The following BACE1 variants were observed in gnomAD, a reference collection of about 807,000 sequenced individuals.
The protein encoded by BACE1 is APP beta-secretase.
A neutral mutation model predicts 54.0 loss-of-function variants in BACE1; 21 were observed. The ratio of observed to expected loss-of-function variants is 0.39; its 90% CI spans 0.28 to 0.56. BACE1 has a LOEUF of 0.56. Ranked by LOEUF, BACE1 falls within the 20% of genes least tolerant of loss-of-function variation. The pLI is 0.63. For missense variants in BACE1, 511 were observed against 661.2 expected (o/e 0.77, Z 2.49); for synonymous variants, 232 against 260.9 (o/e 0.89, Z 1.07).
At position 117,315,690 on chromosome 11, in the gene BACE1, C is replaced by A. The variant is rs761167472; in HGVS notation, c.106G>T (p.Gly36Cys). The change falls in exon 1 of 9, where the codon GGC (glycine) becomes TGC (cysteine). Residue 36 changes from glycine to cysteine, a missense_variant. Coordinates refer to ENST00000313005, the MANE Select transcript of BACE1 (RefSeq NM_012104.6). This position sits in a 1 kb window ranked among gnomAD's most constrained non-coding sequence, Gnocchi z 5.5. ...IRLPLRSGLG[G>C]APLGLRLPRE... ...GGCAGCCGCAGCCCCAGGGGGGCGCCCCCCAGGCCGCTGCGCAGGGGCAGC... is the reference window on the plus strand; with the variant it reads ...GGCAGCCGCAGCCCCAGGGGGGCGCACCCCAGGCCGCTGCGCAGGGGCAGC... 6.6e-7 allele frequency: 1 copy of A among 1,513,986 alleles called. No individual in the cohort carries two copies. The highest frequency in any genetic ancestry group is 8.8e-7 in the Non-Finnish European group (1 of 1,133,624). 93.8% of individuals were successfully genotyped at this position (1,513,986 alleles called of 1,614,324 possible).
intron 1 of BACE1, among the ~76,000 whole-genome samples, chr11:117,309,466 G>A (rs1036473078): frequency 9.2e-5 from 14 of 152,110 alleles, no homozygotes; most frequent in Admixed American, 3.3e-4. Flanking sequence ...AAATACCTCC[G>A]TTTTGGCTGG....
intron 1 of BACE1, among the ~76,000 whole-genome samples, chr11:117,304,755 G>A (rs987945060): frequency 2.6e-5 from 4 of 152,154 alleles, no homozygotes; most frequent in African/African-American, 9.7e-5. Flanking sequence ...GTGCTTCTTT[G>A]TCTACCACTC....
chr11:117,306,688 G>A (rs991886011), intron 1 of BACE1, among the ~76,000 whole-genome samples: 4 of 152,096 alleles, frequency 2.6e-5, no homozygotes, highest in African/African-American at 4.8e-5. Flanking sequence ...GTGCGTGCCC[G>A]TAGTCCTAGC....
intron 2 of BACE1, 95 bp downstream of exon 2, chr11:117,296,778 A>G: frequency 1.0e-6 from 1 of 970,964 alleles, no homozygotes; most frequent in Non-Finnish European, 1.5e-6. Context: ...AGAAAATCTG[A>G]GGATCAACTC....
At chr11:117,302,034 T>C (rs2034736422) in intron 1 of BACE1, among the ~76,000 whole-genome samples, 1 of 152,180 alleles carries the variant, frequency 6.6e-6, no homozygotes, top group African/African-American at 2.4e-5. Context: ...TTTCCTTTGC[T>C]ATTAAAAACG....
At position 117,289,703 on chromosome 11, in the gene BACE1, T is replaced by G. The variant is rs1591851153; in HGVS notation, c.1369A>C (p.Thr457Pro). 4.3e-6 allele frequency: 7 copies of G among 1,614,182 alleles called. No individual in the cohort carries two copies. The highest frequency in any genetic ancestry group is 5.9e-6 in the Non-Finnish European group (7 of 1,180,030). Residue 457 changes from threonine (T) to proline (P), a missense_variant, in exon 9 of 9, where the codon ACC becomes CCC. This residue lies in a region of BACE1 where 407 missense variants were observed against 565.7 expected (regional missense o/e 0.72). Coordinates refer to ENST00000313005, the MANE Select transcript of BACE1 (RefSeq NM_012104.6). ...IPQTDESTLM[T>P]IAYVMAAICA... ...ATGGCAGCCATGACATAGGCTATGG[T>G]CATGAGGGTTGACTCATCTGTCTGT...
At chr11:117,312,867 C>A (rs932912376) in intron 1 of BACE1, among the ~76,000 whole-genome samples, 22 of 152,190 alleles carry the variant, frequency 1.4e-4, no homozygotes, top group African/African-American at 5.1e-4. Context: ...TTTTAGCTGA[C>A]TCCAATGAGG....
rs574879092 is a variant in BACE1 at position 117,288,496 on chromosome 11, A to G, written c.*1070T>C. 6.5e-6 allele frequency: 1 copy of G among 152,746 alleles called. No homozygotes were observed. The highest frequency in any genetic ancestry group is 2.1e-4 in the South Asian group (1 of 4,828). The allele number at this position is 152,746 out of a possible 1,614,324, so 9.5% of individuals were successfully genotyped here. On this transcript the variant is annotated 3_prime_UTR_variant, in exon 9 of 9. Coordinates refer to ENST00000313005, the MANE Select transcript of BACE1 (RefSeq NM_012104.6). ...AAGGATTAGATAGAAGAGGTCTCCT[A>G]CCTATTCCTTTTAGCACCTTGGCTG...
intron 1 of BACE1, among the ~76,000 whole-genome samples, chr11:117,298,955 G>A (rs577759171): frequency 1.5e-4 from 23 of 152,258 alleles, no homozygotes; most frequent in African/African-American, 4.6e-4. Flanking sequence ...ACAAGTGTGC[G>A]CTACCACGCA....
intron 1 of BACE1, among the ~76,000 whole-genome samples, chr11:117,303,293 G>A (rs576618457): frequency 1.7e-3 from 257 of 152,326 alleles, no homozygotes; most frequent in African/African-American, 5.8e-3. Context: ...GGGAGCTGCA[G>A]CCTGGGGTCA....
intron 3 of BACE1, among the ~76,000 whole-genome samples, chr11:117,294,650 G>A (rs1481055971): frequency 3.3e-5 from 5 of 151,734 alleles, no homozygotes; most frequent in East Asian, 2.0e-4. Flanking sequence ...TAGGAAGGCC[G>A]AGGTGAGCGG....
At chr11:117,305,908 C>T (rs942873650) in intron 1 of BACE1, among the ~76,000 whole-genome samples, 4 of 151,994 alleles carry the variant, frequency 2.6e-5, no homozygotes, top group African/African-American at 9.7e-5. Flanking sequence ...TGATGGCAGG[C>T]GCCTGTAGTC....
intron 5 of BACE1, 114 bp downstream of exon 5, chr11:117,292,940 T>C: frequency 1.5e-6 from 2 of 1,312,318 alleles, no homozygotes; most frequent in Non-Finnish European, 2.1e-6. Context: ...CTTCCAACCC[T>C]TTCTGCAGGT....
chr11:117,297,251 A>G lies in BACE1; in HGVS notation c.262-290T>C, dbSNP rs373616351. 2.9e-5 allele frequency: 10 copies of G among 347,072 alleles called. No individual in the cohort carries two copies. In the East Asian group the frequency reaches 3.8e-4, roughly 13 times the overall value. The allele number at this position is 347,072 out of a possible 1,614,324, so 21.5% of individuals were successfully genotyped here. On this transcript the variant is annotated intron_variant, in intron 1 of 8. Coordinates refer to ENST00000313005, the MANE Select transcript of BACE1 (RefSeq NM_012104.6). ...TAGTAGAAGAACTAATATGCAAGGG[A>G]GTCAAAAAAATATAGGAAGTCAAAG...
intron 1 of BACE1, among the ~76,000 whole-genome samples, chr11:117,297,659 A>T (rs2034635046): frequency 6.6e-6 from 1 of 152,144 alleles, no homozygotes; most frequent in Non-Finnish European, 1.5e-5. Flanking sequence ...AAAAATAGTT[A>T]TGGGAGGGAT....
At chr11:117,302,853 C>G (rs192147802) in intron 1 of BACE1, among the ~76,000 whole-genome samples, 15 of 152,302 alleles carry the variant, frequency 9.8e-5, no homozygotes, top group Non-Finnish European at 2.1e-4. Context: ...CCATTGCACT[C>G]CAGCCTGGGT....
chr11:117,305,854 T>C (rs1012259154), intron 1 of BACE1, among the ~76,000 whole-genome samples: 1 of 151,664 alleles, frequency 6.6e-6, no homozygotes, highest in African/African-American at 2.4e-5. Flanking sequence ...GCTAACACGG[T>C]GAAACCCCGT....
rs975725021 is a variant in BACE1 at position 117,294,998 on chromosome 11, C to T, written c.567+133G>A. On this transcript the variant is annotated intron_variant, in intron 3 of 8. Transcript: ENST00000313005. ...TAGGGCTAAAATTTAGACTGCCACC[C>T]TATACCCCTGTTAAATAATCCTTTA... 3 of 929,764 alleles carry T rather than the reference C, an allele frequency of 3.2e-6. No homozygotes were observed. In the East Asian group the frequency reaches 7.9e-5, roughly 25 times the overall value. The allele number at this position is 929,764 out of a possible 1,614,324, so 57.6% of individuals were successfully genotyped here. A position where few individuals can be genotyped will look rare whatever the true frequency, so the allele number is the denominator to read the frequency against.
Position 117,290,560 on chromosome 11 carries a change from T to C in BACE1, c.1192A>G (p.Ile398Val). 1.2e-6 allele frequency: 2 copies of C among 1,614,216 alleles called. No individual in the cohort carries two copies. Among genetic ancestry groups the C allele is most frequent in the Non-Finnish European group, 1.7e-6 (2 of 1,180,046 alleles). Residue 398 changes from isoleucine to valine, a missense_variant, in exon 8 of 9, where the codon ATC (isoleucine) becomes GTC (valine). By Grantham distance (29) the Ile-to-Val change is conservative. This residue lies in a region of BACE1 where 407 missense variants were observed against 565.7 expected (regional missense o/e 0.72). Transcript: ENST00000313005. The stretch of plus-strand genomic sequence containing the variant: ...AAGACAACGTAGAAGCCCTCCATGA[T>C]AACAGCTCCCATAACAGTGCCCGTG... ...SSTGTVMGAV[I>V]MEGFYVVFDR...
Sources: allele counts gnomAD v4.1 joint callset (sites outside exome capture counted in the v4.1 genomes callset), GRCh38; gene constraint gnomAD v4.1.1; regional missense constraint gnomAD v4.1.1; non-coding constraint Gnocchi (gnomAD v3.1); transcripts MANE v1.5; gene names NCBI Gene and HGNC (gene_info 2026-07-23, HGNC 2026-07-21).